PTPRF: variants seen among roughly 807,000 people sequenced by gnomAD.
PTPRF encodes the protein protein tyrosine phosphatase receptor type F, also known as receptor-type tyrosine-protein phosphatase F.
In PTPRF, 59 loss-of-function variants were observed where a neutral mutation model predicts 201.8. The observed-to-expected ratio is 0.29, with a 90% CI of 0.24 to 0.36. PTPRF has a LOEUF of 0.36. PTPRF is among the 10% of genes least tolerant of loss of function. PTPRF has a pLI of 1.00. For synonymous variants in PTPRF, 1,088 were observed against 1,089.7 expected (o/e 1.00, Z 0.03); for missense variants, 2,132 against 2,690.5 (o/e 0.79, Z 4.59).
At chr1:43,533,413 C>A (rs1371590125) in intron 1 of PTPRF, among the ~76,000 whole-genome samples, 2 of 152,116 alleles carry the variant, frequency 1.3e-5, no homozygotes, top group South Asian at 2.1e-4. Flanking sequence ...CTAGCCCTGG[C>A]AGTTTGGGCA....
intron 1 of PTPRF, among the ~76,000 whole-genome samples, chr1:43,532,419 G>A (rs940946498): frequency 2.6e-5 from 4 of 152,242 alleles, no homozygotes; most frequent in Non-Finnish European, 4.4e-5. Flanking sequence ...CGGGAGGCTG[G>A]ATTAGGTTGA....
At chr1:43,607,013 G>T in intron 21 of PTPRF, 45 bp downstream of exon 21, 1 of 1,601,206 alleles carries the variant, frequency 6.2e-7, no homozygotes, top group African/African-American at 1.3e-5. Context: ...CCTGCCCCTC[G>T]CCTTTCAGGC....
chr1:43,622,984 T>TGCTG lies in PTPRF; in HGVS notation c.*986_*989dup, dbSNP rs1227969954. On this transcript the variant is annotated 3_prime_UTR_variant, in exon 34 of 34. Coordinates refer to ENST00000359947, the MANE Select transcript of PTPRF (RefSeq NM_002840.5). ...GTGTGCCTGGGGTTCCCGAGGGAGCTGCTGGCTGACCTGGGCCCACAGAGC... is the reference window on the plus strand; with the variant it reads ...GTGTGCCTGGGGTTCCCGAGGGAGCTGCTGGCTGGCTGACCTGGGCCCACAGAGC... 2.0e-5 allele frequency: 3 copies of TGCTG among 152,532 alleles called. No individual in the cohort carries two copies. The highest frequency in any genetic ancestry group is 4.4e-5 in the Non-Finnish European group (3 of 68,086). The allele number at this position is 152,532 out of a possible 1,614,324, so 9.4% of individuals were successfully genotyped here.
intron 23 of PTPRF, among the ~76,000 whole-genome samples, chr1:43,617,002 C>G (rs141411810): frequency 6.6e-6 from 1 of 152,220 alleles, no homozygotes; most frequent in East Asian, 1.9e-4. Context: ...CCTGGACTAC[C>G]TGAGAGGGGC....
chr1:43,550,286 G>C (rs1187275556), intron 3 of PTPRF, among the ~76,000 whole-genome samples: 3 of 152,214 alleles, frequency 2.0e-5, no homozygotes, highest in Admixed American at 2.0e-4. Flanking sequence ...CCAGGCCGCC[G>C]GTGACCCACA....
At chr1:43,598,218 G>C in intron 12 of PTPRF, 165 bp downstream of exon 12, 2 of 713,310 alleles carry the variant, frequency 2.8e-6, no homozygotes, top group Non-Finnish European at 4.2e-6. Context: ...GATAACTGAG[G>C]CCCAAATCCC....
Position 43,617,564 on chromosome 1 carries a change from C to T in PTPRF, c.4191C>T (p.Ile1397=), listed in dbSNP as rs759751048. The T allele has an allele frequency of 9.3e-6, 15 of 1,613,938 alleles. No individual in the cohort carries two copies. The Admixed American group carries it at 1.0e-4, about 11-fold the overall frequency. Residue 1397 remains isoleucine (I), a synonymous_variant, in exon 24 of 34, where the codon ATC becomes ATT. Coordinates refer to ENST00000359947, the MANE Select transcript of PTPRF (RefSeq NM_002840.5). ...YDHSRVILTS[I]DGVPGSDYIN... Reference sequence around the variant, plus strand: ...ACTCTCGAGTCATCCTTACCTCTATCGATGGTGAGCCAAGGGGGTGCCCCT... The same window carrying T: ...ACTCTCGAGTCATCCTTACCTCTATTGATGGTGAGCCAAGGGGGTGCCCCT...
rs1398022225 is a variant in PTPRF, at chr1:43,619,373, G to A, written c.4732G>A (p.Gly1578Ser). The change falls in exon 28 of 34, where the codon GGC (glycine) becomes AGC (serine). Residue 1578 changes from glycine (G) to serine (S), a missense_variant. Transcript: ENST00000359947. ...MKHEKTVDIY[G>S]HVTCMRSQRN... The stretch of plus-strand genomic sequence containing the variant: ...GCACGAGAAGACGGTGGACATCTAT[G>A]GCCACGTGACCTGCATGCGATCACA... The A allele has an allele frequency of 6.2e-7, 1 of 1,614,066 alleles. No homozygotes were observed. The highest frequency in any genetic ancestry group is 1.1e-5 in the South Asian group (1 of 91,082).
chr1:43,619,447 G>A lies in PTPRF; in HGVS notation c.4806G>A (p.Glu1602=), dbSNP rs764458794. The A allele has an allele frequency of 8.7e-6, 14 of 1,614,010 alleles. No individual in the cohort carries two copies. The highest frequency in any genetic ancestry group is 3.3e-5 in the South Asian group (3 of 91,092). ...AGGACCAGTACGTGTTCATCCATGAGGCGCTGCTGGAGGCTGCCACGTGCG... is the reference window on the plus strand; with the variant it reads ...AGGACCAGTACGTGTTCATCCATGAAGCGCTGCTGGAGGCTGCCACGTGCG... ...QTEDQYVFIH[E]ALLEAATCGH... The change falls in exon 28 of 34, where the codon GAG becomes GAA. Residue 1602 remains glutamate (E), a synonymous_variant. Transcript: ENST00000359947.
intron 8 of PTPRF, among the ~76,000 whole-genome samples, chr1:43,589,903 C>T (rs909028419): frequency 2.0e-5 from 3 of 151,874 alleles, no homozygotes; most frequent in East Asian, 1.9e-4. Flanking sequence ...CTGGTCTCCC[C>T]GCTGCAATTC....
chr1:43,582,348 C>G (rs541989936), intron 7 of PTPRF: 2 of 152,296 alleles, frequency 1.3e-5, no homozygotes, highest in Admixed American at 6.5e-5. Context: ...ACTTTGTTCA[C>G]AGTTGCCTGC....
intron 5 of PTPRF, among the ~76,000 whole-genome samples, chr1:43,567,198 C>A (rs1646244779): frequency 6.6e-6 from 1 of 152,096 alleles, no homozygotes; most frequent in South Asian, 2.1e-4. Context: ...ATGGCCCTAG[C>A]AGCCCCGAGT....
At chr1:43,547,761 C>T (rs1171331333) in intron 3 of PTPRF, among the ~76,000 whole-genome samples, 2 of 152,194 alleles carry the variant, frequency 1.3e-5, no homozygotes, top group African/African-American at 2.4e-5. Flanking sequence ...AAGAGTTAGC[C>T]CAGAGGCCCC....
At chr1:43,604,656 G>C (rs1654606605) in intron 16 of PTPRF, among the ~76,000 whole-genome samples, 1 of 152,184 alleles carries the variant, frequency 6.6e-6, no homozygotes, top group Non-Finnish European at 1.5e-5. Context: ...CGTTTCTGGA[G>C]ATTCTGACCC....
At chr1:43,547,535 T>C (rs987886521) in intron 3 of PTPRF, among the ~76,000 whole-genome samples, 6 of 152,194 alleles carry the variant, frequency 3.9e-5, no homozygotes, top group African/African-American at 1.4e-4. Context: ...GAGGCAGGGC[T>C]CAGGCTGAGC....
Position 43,613,635 on chromosome 1 carries a change from C to T in PTPRF, c.3991C>T (p.Pro1331Ser). 6.2e-7 allele frequency: 1 copy of T among 1,614,126 alleles called. No homozygotes were observed. Among genetic ancestry groups the T allele is most frequent in the East Asian group, 2.2e-5 (1 of 44,872 alleles). Residue 1331 changes from proline to serine, a missense_variant, in exon 23 of 34, where the codon CCC becomes TCC. Physicochemically the swap from Pro to Ser is moderately conservative, Grantham distance 74. Coordinates refer to ENST00000359947, the MANE Select transcript of PTPRF (RefSeq NM_002840.5). ...TCCCCTAGGTATGCGAGACCACCCA[C>T]CCATCCCCATCACCGACCTGGCGGA... ...YQTPGMRDHP[P>S]IPITDLADNI...
Position 43,600,521 on chromosome 1 carries a change from C to T in PTPRF, c.2314-1550C>T, listed in dbSNP as rs981303183. 4.6e-4 allele frequency among the ~76,000 whole-genome samples: 69 copies of T among 151,384 alleles called. 2 individuals are homozygous for T. The highest frequency in any genetic ancestry group is 1.7e-3 in the African/African-American group (69 of 40,754). ...CAGTGGGAGAGCAGTGGGGCCTGGT[C>T]CCGAGCGTGGCCACAGGGCCCAGCT... On this transcript the variant is annotated intron_variant, in intron 13 of 33. Coordinates refer to ENST00000359947, the MANE Select transcript of PTPRF (RefSeq NM_002840.5).
At chr1:43,608,271 T>G (rs1328832023) in intron 21 of PTPRF, among the ~76,000 whole-genome samples, 2 of 152,218 alleles carry the variant, frequency 1.3e-5, no homozygotes, top group Non-Finnish European at 2.9e-5. Context: ...GAGTGCTTGG[T>G]GGAAACTGTG....
Position 43,622,159 on chromosome 1 carries a change from A to C in PTPRF, c.*156A>C. 1.3e-6 allele frequency: 1 copy of C among 762,692 alleles called. No homozygotes were observed. The highest frequency in any genetic ancestry group is 2.2e-6 in the Non-Finnish European group (1 of 464,188). 47.2% of individuals were successfully genotyped at this position (762,692 alleles called of 1,614,324 possible). A position where few individuals can be genotyped will look rare whatever the true frequency, so the allele number is the denominator to read the frequency against. Reference sequence around the variant, plus strand: ...ATCACAGCGTTTCAGGAACGTTGCCACACCAATCAGAGAGCCTAGAACATC... The same window carrying C: ...ATCACAGCGTTTCAGGAACGTTGCCCCACCAATCAGAGAGCCTAGAACATC... On this transcript the variant is annotated 3_prime_UTR_variant, in exon 34 of 34. Coordinates refer to ENST00000359947, the MANE Select transcript of PTPRF (RefSeq NM_002840.5).
Sources: gnomAD v4.1 joint callset for allele counts (sites outside exome capture counted in the v4.1 genomes callset) on GRCh38, gnomAD v4.1.1 for gene constraint, MANE v1.5 for transcripts, NCBI Gene and HGNC (gene_info 2026-07-23, HGNC 2026-07-21) for gene names.